Variants in IMMP2L observed in about 807,000 individuals in gnomAD.
IMMP2L encodes inner mitochondrial membrane peptidase subunit 2.
IMMP2L carries 18 observed loss-of-function variants against 19.3 expected under a neutral mutation model. That is an observed-to-expected ratio of 0.93 (90% confidence interval 0.64 to 1.38). IMMP2L has a LOEUF of 1.38. IMMP2L is among the 40% of genes most tolerant of loss of function. The probability of loss-of-function intolerance (pLI) is 0.00; values close to 1 mark genes in which losing one functional copy is unlikely to be tolerated. For missense variants in IMMP2L, 233 were observed against 218.2 expected (o/e 1.07, Z -0.43); for synonymous variants, 76 against 73.0 (o/e 1.04, Z -0.21).
intron 3 of IMMP2L, among the ~76,000 whole-genome samples, chr7:111,085,295 T>C (rs970226078): frequency 1.3e-5 from 2 of 152,240 alleles, no homozygotes; most frequent in Non-Finnish European, 2.9e-5. Context: ...TCAAATGGTA[T>C]TTCTGCCTTT....
At position 111,123,780 on chromosome 7, in the gene IMMP2L, G is replaced by C; in HGVS notation, c.240-160215C>G. ...ATGCATTTTTCAGACTCCCCAAGCT[G>C]GAATCACTCATGCTGAACAGCAATG... On this transcript the variant is annotated intron_variant, in intron 3 of 5. Coordinates refer to ENST00000405709, the MANE Select transcript of IMMP2L (RefSeq NM_032549.4). This position sits in a 1 kb window ranked among gnomAD's most constrained non-coding sequence, Gnocchi z 6.4. The C allele has an allele frequency of 1.2e-6, 2 of 1,613,976 alleles. No individual in the cohort carries two copies. Among genetic ancestry groups the C allele is most frequent in the Non-Finnish European group, 8.5e-7 (1 of 1,179,972 alleles).
chr7:110,995,379 A>G (rs1822923633), intron 3 of IMMP2L, among the ~76,000 whole-genome samples: 1 of 152,104 alleles, frequency 6.6e-6, no homozygotes, highest in Non-Finnish European at 1.5e-5. Flanking sequence ...TTATTTATTG[A>G]TCATATTTGT....
At chr7:110,750,693 G>A (rs143193685) in intron 5 of IMMP2L, among the ~76,000 whole-genome samples, 1 of 152,100 alleles carries the variant, frequency 6.6e-6, no homozygotes, top group Non-Finnish European at 1.5e-5. Context: ...GCTAGACACT[G>A]TAGGTTGCTG....
At chr7:110,988,789 A>G (rs1452089415) in intron 3 of IMMP2L, among the ~76,000 whole-genome samples, 1 of 152,212 alleles carries the variant, frequency 6.6e-6, no homozygotes, top group Admixed American at 6.5e-5. Context: ...TATGTATTCA[A>G]AAAACATGAT....
At position 110,817,430 on chromosome 7, in the gene IMMP2L, G is replaced by T. The variant is rs560026709; in HGVS notation, c.408+69163C>A. Among the ~76,000 whole-genome samples, 328 of 152,084 alleles carry T rather than the reference G, an allele frequency of 2.2e-3. 1 individual carries two copies. The highest frequency in any genetic ancestry group is 7.6e-3 in the African/African-American group (314 of 41,486). On this transcript the variant is annotated intron_variant, in intron 5 of 5. Transcript: ENST00000405709. ...GGGATGTGAAGGACCTCTTCAAGGAGAACTACAAACCACTGCTCAATGAAA... is the reference window on the plus strand; with the variant it reads ...GGGATGTGAAGGACCTCTTCAAGGATAACTACAAACCACTGCTCAATGAAA...
intron 3 of IMMP2L, among the ~76,000 whole-genome samples, chr7:111,109,141 G>T (rs922950850): frequency 4.6e-5 from 7 of 152,128 alleles, no homozygotes; most frequent in African/African-American, 1.7e-4. Flanking sequence ...GTATTATCAA[G>T]AAGAATTAAA....
intron 3 of IMMP2L, among the ~76,000 whole-genome samples, chr7:111,015,081 G>A (rs972903581): frequency 6.6e-6 from 1 of 152,012 alleles, no homozygotes; most frequent in African/African-American, 2.4e-5. Context: ...GAAAACCAAA[G>A]TCTTAAAGAG....
intron 5 of IMMP2L, among the ~76,000 whole-genome samples, chr7:110,868,356 G>A (rs1223798413): frequency 2.0e-5 from 3 of 152,084 alleles, no homozygotes; most frequent in Non-Finnish European, 2.9e-5. Flanking sequence ...TAGTAATTAT[G>A]TTGGATGAAG....
chr7:111,504,526 C>T (rs1372032582), intron 2 of IMMP2L, among the ~76,000 whole-genome samples: 2,931 of 151,868 alleles, frequency 0.019, 93 homozygotes, highest in African/African-American at 0.067. Context: ...CAATCCTAAG[C>T]CAAAAGAACA....
chr7:111,281,207 A>AG (rs1819789052), intron 3 of IMMP2L, among the ~76,000 whole-genome samples: 1 of 46,466 alleles, frequency 2.2e-5, no homozygotes, highest in African/African-American at 8.0e-5. Context: ...AGAAAGAAAG[A>AG]AAGAAAGAAA....
rs1811538579 is a variant in IMMP2L at position 111,213,366 on chromosome 7, C to T, written c.240-249801G>A. 6.6e-6 allele frequency among the ~76,000 whole-genome samples: 1 copy of T among 152,200 alleles called. No homozygotes were observed. The highest frequency in any genetic ancestry group is 1.5e-5 in the Non-Finnish European group (1 of 68,032). On this transcript the variant is annotated intron_variant, in intron 3 of 5. Transcript: ENST00000405709. The surrounding 1 kb of genome is among the most constrained non-coding windows in gnomAD (Gnocchi z 4.8). ...AGTGGGGCCTGAAGGCAGCTTGGTG[C>T]TGGCCTGCAGGCACCCCACAGCACA...
chr7:111,046,454 T>C (rs1792403069), intron 3 of IMMP2L, among the ~76,000 whole-genome samples: 1 of 151,908 alleles, frequency 6.6e-6, no homozygotes, highest in Admixed American at 6.6e-5. Flanking sequence ...TTTCCAGAAC[T>C]GAATAAAGAT....
chr7:111,216,991 A>T (rs1408794301), intron 3 of IMMP2L, among the ~76,000 whole-genome samples: 1 of 152,042 alleles, frequency 6.6e-6, no homozygotes, highest in Non-Finnish European at 1.5e-5. Flanking sequence ...AAAACCCTAA[A>T]TGGCACATTT....
chr7:110,967,259 GT>G (rs1439346859), intron 3 of IMMP2L, among the ~76,000 whole-genome samples: 1 of 151,884 alleles, frequency 6.6e-6, no homozygotes, highest in Non-Finnish European at 1.5e-5. Flanking sequence ...CTAATTTCAT[GT>G]TTTTTTATGT....
rs75828931 is a variant in IMMP2L at position 111,213,163 on chromosome 7, C to A, written c.240-249598G>T. ...GCTCAGAGGTGCCTGCTGTCACTGCCTCGCCTCTCCTTGCTCCCTGCACTT... is the reference window on the plus strand; with the variant it reads ...GCTCAGAGGTGCCTGCTGTCACTGCATCGCCTCTCCTTGCTCCCTGCACTT... On this transcript the variant is annotated intron_variant, in intron 3 of 5. Transcript: ENST00000405709. This position sits in a 1 kb window ranked among gnomAD's most constrained non-coding sequence, Gnocchi z 4.8. 0.1 allele frequency among the ~76,000 whole-genome samples: 15,646 copies of A among 152,280 alleles called. 1,035 individuals carry two copies. The highest frequency in any genetic ancestry group is 0.18 in the African/African-American group (7,441 of 41,520).
intron 3 of IMMP2L, among the ~76,000 whole-genome samples, chr7:111,097,768 G>A (rs1441056343): frequency 6.6e-6 from 1 of 151,724 alleles, no homozygotes; most frequent in African/African-American, 2.4e-5. Flanking sequence ...ACCAAACACT[G>A]AACATGTTCT....
At chr7:111,158,704 G>A (rs1804920357) in intron 3 of IMMP2L, among the ~76,000 whole-genome samples, 2 of 152,080 alleles carry the variant, frequency 1.3e-5, no homozygotes, top group African/African-American at 4.8e-5. Context: ...TACATATTGT[G>A]TTGAATAATG....
chr7:110,664,279 A>T (rs1375481582), intron 5 of IMMP2L, among the ~76,000 whole-genome samples: 1 of 152,072 alleles, frequency 6.6e-6, no homozygotes, highest in African/African-American at 2.4e-5. Flanking sequence ...CACCTACTAG[A>T]TGAGCAGCAG....
At chr7:111,195,760 A>C (rs1809403452) in intron 3 of IMMP2L, among the ~76,000 whole-genome samples, 1 of 20 alleles carries the variant, frequency 0.05, no homozygotes, top group Admixed American at 0.25. Context: ...TTTAGAAATT[A>C]TCAGAAAAAT....
Sources: allele counts gnomAD v4.1 joint callset (sites outside exome capture counted in the v4.1 genomes callset), GRCh38; gene constraint gnomAD v4.1.1; non-coding constraint Gnocchi (gnomAD v3.1); transcripts MANE v1.5; gene names NCBI Gene and HGNC (gene_info 2026-07-23, HGNC 2026-07-21).